RORA: variants seen among roughly 807,000 people sequenced by gnomAD.
RORA encodes nuclear receptor ROR-alpha.
Under a neutral mutation model 69.5 loss-of-function variants are expected in RORA, and 7 were observed. The ratio of observed to expected loss-of-function variants is 0.10; its 90% CI spans 0.06 to 0.19. RORA has a LOEUF of 0.19. Ranked by LOEUF, RORA falls within the 10% of genes least tolerant of loss-of-function variation. The pLI is 1.00. For synonymous variants in RORA, 261 were observed against 240.8 expected, an observed-to-expected ratio of 1.08 and a Z score of -0.78; for missense variants, 457 against 663.0, an observed-to-expected ratio of 0.69 and a Z score of 3.41.
At chr15:61,170,578 G>A (rs1245273388) in intron 1 of RORA, among the ~76,000 whole-genome samples, 1 of 152,160 alleles carries the variant, frequency 6.6e-6, no homozygotes, top group Non-Finnish European at 1.5e-5. Context: ...AGGCTCTAGG[G>A]ATTGGGGTAT....
chr15:60,500,873 T>C (rs538133147), intron 9 of RORA, 86 bp downstream of exon 9: 11 of 713,470 alleles, frequency 1.5e-5, no homozygotes, highest in South Asian at 1.5e-4. Flanking sequence ...CCAAATATTT[T>C]ATAGCTATTA....
chr15:61,137,019 A>AAAAGAACG (rs2079246662), intron 1 of RORA, among the ~76,000 whole-genome samples: 1 of 61,106 alleles, frequency 1.6e-5, no homozygotes, highest in Non-Finnish European at 3.4e-5. Flanking sequence ...AAATAAATAA[A>AAAAGAACG]AAAGAAAGAA....
At chr15:60,627,349 C>T (rs1277989840) in intron 2 of RORA, 2 of 1,614,204 alleles carry the variant, frequency 1.2e-6, no homozygotes, top group South Asian at 2.2e-5. Flanking sequence ...CTCTAAGTCA[C>T]TGTCTCCTGG....
At chr15:61,007,746 C>G (rs555545124) in intron 1 of RORA, among the ~76,000 whole-genome samples, 270 of 146,294 alleles carry the variant, frequency 1.8e-3, no homozygotes, top group African/African-American at 6.5e-3. Context: ...ATAACATTAG[C>G]CTAATGTTAT....
At chr15:60,610,137 C>A (rs2140579360) in intron 2 of RORA, among the ~76,000 whole-genome samples, 1 of 151,806 alleles carries the variant, frequency 6.6e-6, no homozygotes, top group East Asian at 1.9e-4. Context: ...GTGAGCCCTG[C>A]AAAGAGCTCA....
At chr15:60,610,745 A>G (rs1225608558) in intron 2 of RORA, among the ~76,000 whole-genome samples, 3 of 152,170 alleles carry the variant, frequency 2.0e-5, no homozygotes, top group Non-Finnish European at 4.4e-5. Flanking sequence ...AGAGAAGGAA[A>G]AAAAACCCCA....
intron 2 of RORA, among the ~76,000 whole-genome samples, chr15:60,561,790 G>A (rs1311225161): frequency 6.6e-6 from 1 of 152,040 alleles, no homozygotes; most frequent in Admixed American, 6.6e-5. Context: ...GACATAATAT[G>A]GGACTTCAGT....
chr15:61,173,013 A>G (rs2079599207), intron 1 of RORA, among the ~76,000 whole-genome samples: 1 of 152,174 alleles, frequency 6.6e-6, no homozygotes. Context: ...TTTCCATGAG[A>G]CAGCTTAATA....
intron 1 of RORA, among the ~76,000 whole-genome samples, chr15:61,078,202 T>C (rs936667399): frequency 1.3e-5 from 2 of 152,222 alleles, no homozygotes; most frequent in Non-Finnish European, 2.9e-5. Context: ...AGTCTCGCTC[T>C]CCCCAGGCTG....
At chr15:60,542,295 TACC>T (rs2066896214) in intron 2 of RORA, among the ~76,000 whole-genome samples, 1 of 152,042 alleles carries the variant, frequency 6.6e-6, no homozygotes, top group African/African-American at 2.4e-5. Flanking sequence ...CAATAGCTGC[TACC>T]ATCTTAAATG....
At chr15:61,035,562 C>A (rs1197276651) in intron 1 of RORA, among the ~76,000 whole-genome samples, 2 of 152,082 alleles carry the variant, frequency 1.3e-5, no homozygotes, top group Admixed American at 6.6e-5. Context: ...GTTGTGGGCC[C>A]CTGGGCAAAC....
At chr15:60,825,682 A>G (rs2072946640) in intron 1 of RORA, among the ~76,000 whole-genome samples, 1 of 152,232 alleles carries the variant, frequency 6.6e-6, no homozygotes, top group African/African-American at 2.4e-5. Context: ...AGAACAGCGA[A>G]CTGGTACCCC....
chr15:61,134,802 GC>G (rs1300132383), intron 1 of RORA, among the ~76,000 whole-genome samples: 1 of 152,086 alleles, frequency 6.6e-6, no homozygotes, highest in Non-Finnish European at 1.5e-5. Context: ...AGTTCTATGG[GC>G]CTTTGGAAGG....
chr15:61,075,241 A>G (rs2140627357), intron 1 of RORA, among the ~76,000 whole-genome samples: 1 of 152,314 alleles, frequency 6.6e-6, no homozygotes, highest in South Asian at 2.1e-4. Flanking sequence ...CAAAAGCACC[A>G]TGAATTGAGA....
At chr15:61,107,785 C>T (rs981670067) in intron 1 of RORA, among the ~76,000 whole-genome samples, 2 of 151,888 alleles carry the variant, frequency 1.3e-5, no homozygotes, top group Admixed American at 6.6e-5. Flanking sequence ...TTTCCTCTCC[C>T]TTATTGCAAT....
At chr15:61,051,034 GCT>G (rs954859280) in intron 1 of RORA, among the ~76,000 whole-genome samples, 2 of 152,148 alleles carry the variant, frequency 1.3e-5, no homozygotes, top group African/African-American at 2.4e-5. Flanking sequence ...TGCTCTCTAG[GCT>G]CTGACACACA....
chr15:60,650,350 C>T (rs537715756), intron 2 of RORA, among the ~76,000 whole-genome samples: 91 of 152,288 alleles, frequency 6.0e-4, no homozygotes, highest in African/African-American at 2.0e-3. Context: ...TTTCTATTTA[C>T]GCTGCTGGCT....
intron 1 of RORA, among the ~76,000 whole-genome samples, chr15:60,843,079 T>A (rs2073220731): frequency 6.6e-6 from 1 of 152,022 alleles, no homozygotes; most frequent in Non-Finnish European, 1.5e-5. Context: ...AAACCCAAGA[T>A]CTACTCAGCC....
At chr15:60,978,583 G>T (rs1331001205) in intron 1 of RORA, among the ~76,000 whole-genome samples, 2 of 152,118 alleles carry the variant, frequency 1.3e-5, no homozygotes, top group Admixed American at 6.5e-5. Flanking sequence ...TGACACTTAA[G>T]AAACTATTGC....
Sources: gnomAD v4.1 joint callset for allele counts (sites outside exome capture counted in the v4.1 genomes callset) on GRCh38, gnomAD v4.1.1 for gene constraint, MANE v1.5 for transcripts, NCBI Gene and HGNC (gene_info 2026-07-23, HGNC 2026-07-21) for gene names.